The following NFIB variants were observed in gnomAD, a reference collection of about 807,000 sequenced individuals.
The protein encoded by NFIB is nuclear factor 1 B-type.
A neutral mutation model predicts 61.5 loss-of-function variants in NFIB; 11 were observed. The ratio of observed to expected loss-of-function variants is 0.18; its 90% CI spans 0.11 to 0.30. NFIB has a LOEUF of 0.30. Among genes scored for constraint, NFIB ranks in the 10% least tolerant of loss-of-function variants. NFIB has a pLI of 1.00. For synonymous variants in NFIB, 260 were observed against 216.5 expected, an observed-to-expected ratio of 1.20 and a Z score of -1.76; for missense variants, 471 against 608.9, an observed-to-expected ratio of 0.77 and a Z score of 2.38.
chr9:14,313,601 G>C lies in NFIB; in HGVS notation c.-90C>G. ...ATCTATTCATTTTACAGTCATCTGA[G>C]CCCCGCGATGCGATCAATCAGGACG... On this transcript the variant is annotated 5_prime_UTR_variant, in exon 1 of 11. Coordinates refer to ENST00000380953, the MANE Select transcript of NFIB (RefSeq NM_001190737.2). This position sits in a 1 kb window ranked among gnomAD's most constrained non-coding sequence, Gnocchi z 4.5. 1 of 1,605,710 alleles carries C rather than the reference G, an allele frequency of 6.2e-7. No homozygotes were observed. The highest frequency in any genetic ancestry group is 8.5e-7 in the Non-Finnish European group (1 of 1,175,924).
At chr9:14,095,379 T>C (rs565832132) in intron 10 of NFIB, among the ~76,000 whole-genome samples, 1 of 152,250 alleles carries the variant, frequency 6.6e-6, no homozygotes, top group South Asian at 2.1e-4. Context: ...TTAAAAATTA[T>C]ACAATTATCA....
chr9:14,443,221 T>C, the NFIB span, among the ~76,000 whole-genome samples: 2 of 152,154 alleles, frequency 1.3e-5, no homozygotes, highest in Non-Finnish European at 2.9e-5. Context: ...GTCATCTGAA[T>C]GATCATCTCC....
At chr9:14,088,967 CAT>C (rs1170169071) in intron 10 of NFIB, among the ~76,000 whole-genome samples, 2 of 152,138 alleles carry the variant, frequency 1.3e-5, no homozygotes, top group African/African-American at 4.8e-5. Context: ...AAATAAGAAT[CAT>C]AGAACCAAAA....
chr9:14,297,688 C>T (rs1452505752), intron 2 of NFIB, among the ~76,000 whole-genome samples: 9 of 152,150 alleles, frequency 5.9e-5, no homozygotes, highest in African/African-American at 1.9e-4. Flanking sequence ...GTACGCAACA[C>T]GCAAGTAAGG....
At chr9:14,454,586 G>A in the NFIB span, among the ~76,000 whole-genome samples, 1 of 152,082 alleles carries the variant, frequency 6.6e-6, no homozygotes, top group Non-Finnish European at 1.5e-5. Context: ...TGAAGCATTT[G>A]TCACAACTGG....
chr9:14,460,415 G>GA, the NFIB span, among the ~76,000 whole-genome samples: 1 of 151,330 alleles, frequency 6.6e-6, no homozygotes, highest in Non-Finnish European at 1.5e-5. Context: ...TATACCTAAT[G>GA]TAAATGACGA....
chr9:14,350,143 C>T (rs1363705359), intron 1 of NFIB, among the ~76,000 whole-genome samples: 1 of 152,116 alleles, frequency 6.6e-6, no homozygotes, highest in African/African-American at 2.4e-5. Flanking sequence ...GCCTCGGTGC[C>T]TCTGTATTAT....
the NFIB span, among the ~76,000 whole-genome samples, chr9:14,496,185 T>C: frequency 6.6e-6 from 1 of 152,260 alleles, no homozygotes; most frequent in African/African-American, 2.4e-5. Context: ...TTTTTTATTT[T>C]TATCTTTGGA....
At chr9:14,284,231 T>G (rs2132464711) in intron 2 of NFIB, among the ~76,000 whole-genome samples, 1 of 152,296 alleles carries the variant, frequency 6.6e-6, no homozygotes, top group Middle Eastern at 3.4e-3. Context: ...AATGGGACAT[T>G]TTGTTGTTTT....
At chr9:14,121,151 C>A (rs1322742827) in intron 7 of NFIB, among the ~76,000 whole-genome samples, 1 of 152,176 alleles carries the variant, frequency 6.6e-6, no homozygotes, top group East Asian at 1.9e-4. Flanking sequence ...GTAATCCCAG[C>A]TACTTGGGAG....
intron 3 of NFIB, among the ~76,000 whole-genome samples, chr9:14,173,941 T>TCATGAGTGGGCTGTATA (rs1305697045): frequency 6.6e-6 from 1 of 152,154 alleles, no homozygotes; most frequent in African/African-American, 2.4e-5. Flanking sequence ...GATCAACCTT[T>TCATGAGTGGGCTGTATA]CATGAGTGGG....
intron 4 of NFIB, among the ~76,000 whole-genome samples, chr9:14,154,882 T>C (rs2043225372): frequency 6.6e-6 from 1 of 152,164 alleles, no homozygotes; most frequent in South Asian, 2.1e-4. Context: ...CTGCTTATTC[T>C]TATCCTCAGT....
chr9:14,319,759 T>C (rs1009569067), intron 1 of NFIB, among the ~76,000 whole-genome samples: 3 of 152,246 alleles, frequency 2.0e-5, no homozygotes, highest in Non-Finnish European at 2.9e-5. Flanking sequence ...ACTCAAACTT[T>C]CTGCACCCCT....
At chr9:14,389,770 T>C (rs1413802985) in intron 1 of NFIB, among the ~76,000 whole-genome samples, 1 of 152,162 alleles carries the variant, frequency 6.6e-6, no homozygotes, top group African/African-American at 2.4e-5. Flanking sequence ...CTCTTTATTA[T>C]CCTTCCCAAC....
chr9:14,450,930 C>G, the NFIB span, among the ~76,000 whole-genome samples: 205 of 152,342 alleles, frequency 1.3e-3, no homozygotes, highest in African/African-American at 4.6e-3. Flanking sequence ...GTCTGTCATG[C>G]TTTGAATACA....
At chr9:14,464,029 C>T in the NFIB span, among the ~76,000 whole-genome samples, 2 of 152,248 alleles carry the variant, frequency 1.3e-5, no homozygotes, top group East Asian at 3.9e-4. Flanking sequence ...AGCATTTTTA[C>T]AGTTGGAAAT....
chr9:14,174,537 GC>G (rs1405339670), intron 3 of NFIB, among the ~76,000 whole-genome samples: 1 of 152,100 alleles, frequency 6.6e-6, no homozygotes, highest in African/African-American at 2.4e-5. Flanking sequence ...GGAGGCTGAG[GC>G]GGGTGGATCA....
chr9:14,314,148 G>A, upstream of NFIB: 11 of 1,019,920 alleles, frequency 1.1e-5, no homozygotes, highest in Non-Finnish European at 1.3e-5. Flanking sequence ...GTGCGCGCGG[G>A]TGGCGGGGCG....
chr9:14,239,850 T>A (rs1776847977), intron 2 of NFIB, among the ~76,000 whole-genome samples: 1 of 151,852 alleles, frequency 6.6e-6, no homozygotes, highest in Admixed American at 6.6e-5. Context: ...AGGGAGAGAG[T>A]GCAAGAGTTT....
Sources: gnomAD v4.1 joint callset for allele counts (sites outside exome capture counted in the v4.1 genomes callset) on GRCh38, gnomAD v4.1.1 for gene constraint, Gnocchi (gnomAD v3.1) non-coding constraint, MANE v1.5 for transcripts, NCBI Gene and HGNC (gene_info 2026-07-23, HGNC 2026-07-21) for gene names.